GALNT9: variants seen among roughly 807,000 people sequenced by gnomAD.
GALNT9 encodes the protein GalNAc transferase 9.
In GALNT9, 47 loss-of-function variants were observed where a neutral mutation model predicts 63.1. The observed-to-expected ratio is 0.75, with a 90% confidence interval of 0.59 to 0.95. The LOEUF (loss-of-function observed/expected upper bound fraction) is 0.95. GALNT9 is among the 40% of genes least tolerant of loss of function. The pLI is 0.00. For missense variants in GALNT9, 829 were observed against 874.8 expected (o/e 0.95, Z 0.66); for synonymous variants, 396 against 365.7 (o/e 1.08, Z -0.94).
intron 2 of GALNT9, among the ~76,000 whole-genome samples, chr12:132,263,040 C>G (rs1555239918): frequency 6.6e-6 from 1 of 152,136 alleles, no homozygotes; most frequent in Non-Finnish European, 1.5e-5. Flanking sequence ...GGAGCCTCCC[C>G]TGTGGGCCAT....
Position 132,221,586 on chromosome 12 carries a change from G to A in GALNT9, c.1078-17896C>T, listed in dbSNP as rs1043663397. On this transcript the variant is annotated intron_variant, in intron 6 of 10. Coordinates refer to ENST00000328957, the MANE Select transcript of GALNT9 (RefSeq NM_001122636.2). The stretch of plus-strand genomic sequence containing the variant: ...TGAGGCAGGAGAATTCCTTGAACCC[G>A]GGAGGTGGAGGTTGCAGTGAGTTGT... 8.7e-5 allele frequency among the ~76,000 whole-genome samples: 13 copies of A among 149,814 alleles called. No homozygotes were observed. The East Asian group carries it at 1.6e-3, about 18-fold the overall frequency.
At chr12:132,239,591 GAC>G (rs1421748632) in intron 6 of GALNT9, among the ~76,000 whole-genome samples, 1 of 151,650 alleles carries the variant, frequency 6.6e-6, no homozygotes, top group Non-Finnish European at 1.5e-5. Context: ...GACACAGAGA[GAC>G]AGAGAGAGAC....
intron 6 of GALNT9, among the ~76,000 whole-genome samples, chr12:132,222,943 ACCACACAAC>A (rs1877518748): frequency 6.4e-5 from 3 of 47,182 alleles, no homozygotes; most frequent in Non-Finnish European, 8.6e-5. Flanking sequence ...CCCCACACAC[ACCACACAAC>A]TCACACCCCA....
chr12:132,286,504 C>A lies in GALNT9; in HGVS notation c.239-74G>T. Reference sequence around the variant, plus strand: ...GTCTGCACCCAGGAGACGCCCCTCCCGCCCCTCTCCCCGACGGCCGCTTCC... The same window carrying A: ...GTCTGCACCCAGGAGACGCCCCTCCAGCCCCTCTCCCCGACGGCCGCTTCC... On this transcript the variant is annotated intron_variant, in intron 1 of 10. Transcript: ENST00000328957. The surrounding 1 kb of genome is among the most constrained non-coding windows in gnomAD (Gnocchi z 7.4). 6.9e-7 allele frequency: 1 copy of A among 1,451,894 alleles called. No individual in the cohort carries two copies. Among genetic ancestry groups the A allele is most frequent in the South Asian group, 1.4e-5 (1 of 69,542 alleles). The allele number at this position is 1,451,894 out of a possible 1,614,324, so 89.9% of individuals were successfully genotyped here. A position where few individuals can be genotyped will look rare whatever the true frequency, so the allele number is the denominator to read the frequency against.
At chr12:132,266,475 G>A (rs1879601709) in intron 2 of GALNT9, among the ~76,000 whole-genome samples, 1 of 152,248 alleles carries the variant, frequency 6.6e-6, no homozygotes, top group Non-Finnish European at 1.5e-5. Context: ...TAAAGAGAGG[G>A]CAGAGGAAAT....
rs1555245086 is a variant in GALNT9, at chr12:132,310,690, TGA to T, written c.238+18274_238+18275del. 8.5e-5 allele frequency among the ~76,000 whole-genome samples: 13 copies of T among 152,070 alleles called. No homozygotes were observed. ...GTTACAGTGACTGAAGCCAATATTC[TGA>T]GAGAGGAAACAGCACAAATTGAGAG... On this transcript the variant is annotated intron_variant, in intron 1 of 10. Coordinates refer to ENST00000328957, the MANE Select transcript of GALNT9 (RefSeq NM_001122636.2). The surrounding 1 kb of genome is among the most constrained non-coding windows in gnomAD (Gnocchi z 4.8).
chr12:132,250,810 G>T lies in GALNT9; in HGVS notation c.960-2783C>A, dbSNP rs561093125. ...GTCTCAAACGACAACAACAACAAAG[G>T]CTCAGCTCATGCCGAGGTAAGACGG... On this transcript the variant is annotated intron_variant, in intron 5 of 10. Coordinates refer to ENST00000328957, the MANE Select transcript of GALNT9 (RefSeq NM_001122636.2). Among the ~76,000 whole-genome samples the T allele has an allele frequency of 7.4e-5, 11 of 147,934 alleles. No individual in the cohort carries two copies. The South Asian group carries it at 2.0e-3, about 26-fold the overall frequency.
chr12:132,249,568 A>G (rs1399253221), intron 5 of GALNT9, among the ~76,000 whole-genome samples: 1 of 152,240 alleles, frequency 6.6e-6, no homozygotes, highest in Non-Finnish European at 1.5e-5. Context: ...GCAACCTTTG[A>G]TTGGGTAAGT....
At chr12:132,312,144 A>T (rs782621747) in intron 1 of GALNT9, among the ~76,000 whole-genome samples, 2 of 152,260 alleles carry the variant, frequency 1.3e-5, no homozygotes, top group Non-Finnish European at 2.9e-5. Context: ...CCCTTCTGAT[A>T]CCATGAAGTC....
intron 2 of GALNT9, chr12:132,274,294 T>TGCGCTCCAGGCCTGCTC (rs1566008567): frequency 1.3e-5 from 2 of 152,766 alleles, no homozygotes; most frequent in African/African-American, 4.8e-5. Flanking sequence ...CTCTGTGGCC[T>TGCGCTCCAGGCCTGCTC]GCGCTCCAGG....
chr12:132,301,051 G>A (rs1236471631), intron 1 of GALNT9, among the ~76,000 whole-genome samples: 2 of 152,258 alleles, frequency 1.3e-5, no homozygotes, highest in African/African-American at 2.4e-5. Context: ...TAATCCCCAG[G>A]GTTCCCTCCG....
intron 6 of GALNT9, among the ~76,000 whole-genome samples, chr12:132,225,819 C>A (rs1422742886): frequency 1.2e-3 from 159 of 135,278 alleles, no homozygotes; most frequent in African/African-American, 4.3e-3. Context: ...ACTGTACATG[C>A]ATACCCTCAC....
At chr12:132,288,915 G>A (rs1313592287) in intron 1 of GALNT9, among the ~76,000 whole-genome samples, 1 of 149,432 alleles carries the variant, frequency 6.7e-6, no homozygotes, top group Non-Finnish European at 1.5e-5. Context: ...CCCAGCGTTG[G>A]ACCCGGCAGG....
chr12:132,239,677 CAA>C lies in GALNT9; in HGVS notation c.1077+8231_1077+8232del, dbSNP rs201297670. ...TCAGAGACAGAGAGAGACAGAGAGA[CAA>C]AGAGACAGAGATACAGACAGACTGA... On this transcript the variant is annotated intron_variant, in intron 6 of 10. Transcript: ENST00000328957. Among the ~76,000 whole-genome samples the C allele has an allele frequency of 7.4e-3, 1,118 of 150,564 alleles. 15 individuals carry two copies. Among genetic ancestry groups the C allele is most frequent in the African/African-American group, 0.026 (1,056 of 40,752 alleles).
At position 132,308,176 on chromosome 12, in the gene GALNT9, G is replaced by C. The variant is rs369965175; in HGVS notation, c.238+20790C>G. 7.0e-4 allele frequency among the ~76,000 whole-genome samples: 107 copies of C among 152,356 alleles called. No homozygotes were observed. In the East Asian group the frequency reaches 0.015, roughly 22 times the overall value. ...GCCAACGGCGCCTGGAGCCCCAGGA[G>C]CTGGGAGGGAAGGACAGACCCTCCC... On this transcript the variant is annotated intron_variant, in intron 1 of 10. Coordinates refer to ENST00000328957, the MANE Select transcript of GALNT9 (RefSeq NM_001122636.2).
intron 1 of GALNT9, among the ~76,000 whole-genome samples, chr12:132,305,411 A>G (rs144934042): frequency 1.8e-4 from 8 of 44,616 alleles, no homozygotes; most frequent in South Asian, 1.3e-3. Flanking sequence ...GCACACCCTC[A>G]CCCGGGCACA....
rs904601870 is a variant in GALNT9, at chr12:132,286,574, G to A, written c.239-144C>T. On this transcript the variant is annotated intron_variant, in intron 1 of 10. Transcript: ENST00000328957. The surrounding 1 kb of genome is among the most constrained non-coding windows in gnomAD (Gnocchi z 7.4). Reference sequence around the variant, plus strand: ...ACTCCCTGCAGATGGCAGGCTGCCAGCTCAGGACATTCCAGAAAGTGCAAG... The same window carrying A: ...ACTCCCTGCAGATGGCAGGCTGCCAACTCAGGACATTCCAGAAAGTGCAAG... 3.0e-6 allele frequency: 4 copies of A among 1,321,024 alleles called. No individual in the cohort carries two copies. Among genetic ancestry groups the A allele is most frequent in the Non-Finnish European group, 4.0e-6 (4 of 995,964 alleles). 81.8% of individuals were successfully genotyped at this position (1,321,024 alleles called of 1,614,324 possible).
At chr12:132,243,429 C>T (rs1487947304) in intron 6 of GALNT9, among the ~76,000 whole-genome samples, 4 of 152,158 alleles carry the variant, frequency 2.6e-5, no homozygotes, top group Non-Finnish European at 2.9e-5. Flanking sequence ...CCTCGTCTTC[C>T]GGAGCTCTCT....
chr12:132,244,291 G>GA lies in GALNT9; in HGVS notation c.1077+3618_1077+3619insT, dbSNP rs1565997847. Among the ~76,000 whole-genome samples, 47 of 11,254 alleles carry GA rather than the reference G, an allele frequency of 4.2e-3. 1 individual carries two copies. The highest frequency in any genetic ancestry group is 0.018 in the East Asian group (12 of 656). 7.4% of individuals were successfully genotyped at this position (11,254 alleles called of 152,430 possible). On this transcript the variant is annotated intron_variant, in intron 6 of 10. Coordinates refer to ENST00000328957, the MANE Select transcript of GALNT9 (RefSeq NM_001122636.2). ...TGTGGTGATGGGGCTGGACGGGGGG[G>GA]CGTGGTGATGGGGCTGGACGGGGGC...
Sources: gnomAD v4.1 joint callset for allele counts (sites outside exome capture counted in the v4.1 genomes callset) on GRCh38, gnomAD v4.1.1 for gene constraint, Gnocchi (gnomAD v3.1) non-coding constraint, MANE v1.5 for transcripts, NCBI Gene and HGNC (gene_info 2026-07-23, HGNC 2026-07-21) for gene names.